ASCC1: variants seen among roughly 807,000 people sequenced by gnomAD.
ASCC1 encodes the protein ASC-1 complex subunit P50.
A neutral mutation model predicts 46.6 loss-of-function variants in ASCC1; 35 were observed. The ratio of observed to expected loss-of-function variants is 0.75; its 90% confidence interval spans 0.57 to 0.99. ASCC1 has a LOEUF of 0.99. ASCC1 is among the 50% of genes least tolerant of loss of function. ASCC1 has a pLI of 0.00. For synonymous variants in ASCC1, 143 were observed against 146.6 expected (o/e 0.98, Z 0.18); for missense variants, 376 against 428.7 (o/e 0.88, Z 1.09).
intron 9 of ASCC1, among the ~76,000 whole-genome samples, chr10:72,103,170 T>C (rs1250530825): frequency 6.6e-6 from 1 of 151,544 alleles, no homozygotes; most frequent in Non-Finnish European, 1.5e-5. Context: ...TCTTGCTCTG[T>C]CGCCCAGGCT....
At chr10:72,195,630 A>AGACT (rs1370064015) in intron 5 of ASCC1, among the ~76,000 whole-genome samples, 2 of 151,022 alleles carry the variant, frequency 1.3e-5, no homozygotes, top group African/African-American at 4.9e-5. Flanking sequence ...CAGGAGTTCG[A>AGACT]GACTGACCAG....
chr10:72,153,847 G>A (rs1848650833), intron 6 of ASCC1, among the ~76,000 whole-genome samples: 3 of 152,002 alleles, frequency 2.0e-5, no homozygotes, highest in South Asian at 4.2e-4. Flanking sequence ...TCAGCCTCCT[G>A]AGTAGCTGGG....
intron 2 of ASCC1, among the ~76,000 whole-genome samples, chr10:72,212,652 A>T (rs1306072615): frequency 2.6e-5 from 4 of 152,094 alleles, no homozygotes; most frequent in Admixed American, 2.6e-4. Flanking sequence ...GTTTGAGACT[A>T]GCCTGGCCAA....
At chr10:72,216,122 G>A (rs1409955702) in intron 1 of ASCC1, 85 bp downstream of exon 1, 1 of 152,668 alleles carries the variant, frequency 6.6e-6, no homozygotes, top group Non-Finnish European at 1.5e-5. Flanking sequence ...GTAGGGGAAA[G>A]TGCTAAAGCC....
rs1419980364 is a variant in ASCC1 at position 72,096,583 on chromosome 10, T to G, written c.*751A>C. The G allele has an allele frequency of 2.2e-6, 1 of 453,722 alleles. No homozygotes were observed. The highest frequency in any genetic ancestry group is 2.0e-5 in the African/African-American group (1 of 49,948). The allele number at this position is 453,722 out of a possible 1,614,324, so 28.1% of individuals were successfully genotyped here. A position where few individuals can be genotyped will look rare whatever the true frequency, so the allele number is the denominator to read the frequency against. ...ATAAAACTCTGGGTGGTAAAGGAAT[T>G]AAAGGCAGAGTCTCAAAGAGATATT... On this transcript the variant is annotated 3_prime_UTR_variant, in exon 10 of 10. Transcript: ENST00000672957.
chr10:72,117,123 A>G (rs1262284665), intron 9 of ASCC1, among the ~76,000 whole-genome samples: 3 of 152,194 alleles, frequency 2.0e-5, no homozygotes, highest in Non-Finnish European at 4.4e-5. Context: ...ATTAAAAAAC[A>G]AATTTAAGCT....
chr10:72,213,567 C>G (rs948950874), intron 1 of ASCC1, among the ~76,000 whole-genome samples: 1 of 150,086 alleles, frequency 6.7e-6, no homozygotes, highest in Admixed American at 6.7e-5. Flanking sequence ...ATTTATCACC[C>G]CCCCCCCAAA....
At chr10:72,148,232 T>C (rs1377601404) in intron 7 of ASCC1, among the ~76,000 whole-genome samples, 3 of 152,164 alleles carry the variant, frequency 2.0e-5, no homozygotes, top group Admixed American at 1.3e-4. Context: ...AAACTGGCAG[T>C]ATGTATAAAA....
chr10:72,208,864 G>A (rs1473096610), intron 3 of ASCC1, among the ~76,000 whole-genome samples: 1 of 152,034 alleles, frequency 6.6e-6, no homozygotes, highest in African/African-American at 2.4e-5. Flanking sequence ...TAGCAGTGAA[G>A]ATACAGACAG....
At chr10:72,131,262 T>C (rs897445708) in intron 8 of ASCC1, among the ~76,000 whole-genome samples, 17 of 151,876 alleles carry the variant, frequency 1.1e-4, no homozygotes, top group African/African-American at 4.1e-4. Flanking sequence ...CTACTAAAAA[T>C]ACGAAAATTA....
At chr10:72,159,840 T>A (rs965649698) in intron 6 of ASCC1, among the ~76,000 whole-genome samples, 2 of 152,074 alleles carry the variant, frequency 1.3e-5, no homozygotes, top group Non-Finnish European at 2.9e-5. Flanking sequence ...AAAAATAGTT[T>A]GTCTTTGAAA....
In ASCC1 at chr10:72,190,112, G is replaced by T. The variant is rs1024326184; in HGVS notation, c.489+6699C>A. 7 of 759,760 alleles carry T rather than the reference G, an allele frequency of 9.2e-6. No homozygotes were observed. In the African/African-American group the frequency reaches 1.0e-4, roughly 11 times the overall value. The allele number at this position is 759,760 out of a possible 1,614,324, so 47.1% of individuals were successfully genotyped here. On this transcript the variant is annotated intron_variant, in intron 5 of 9. Coordinates refer to ENST00000672957, the MANE Select transcript of ASCC1 (RefSeq NM_001198800.3). ...GCAACTGGGCTGCAAGACCAAGCAA[G>T]GTTACATTATATATAGGATTCATGT...
At chr10:72,186,824 G>A (rs765669543) in intron 5 of ASCC1, among the ~76,000 whole-genome samples, 8 of 150,714 alleles carry the variant, frequency 5.3e-5, no homozygotes, top group Non-Finnish European at 7.4e-5. Flanking sequence ...CCAGCATGAC[G>A]TTCACAGCGA....
chr10:72,150,047 T>C (rs1415210634), intron 7 of ASCC1, among the ~76,000 whole-genome samples: 1 of 151,970 alleles, frequency 6.6e-6, no homozygotes, highest in Non-Finnish European at 1.5e-5. Flanking sequence ...TAGCCAGGCA[T>C]GGTGGTGGGC....
At chr10:72,143,621 C>G (rs1010579224) in intron 7 of ASCC1, among the ~76,000 whole-genome samples, 1 of 147,544 alleles carries the variant, frequency 6.8e-6, no homozygotes, top group African/African-American at 2.5e-5. Flanking sequence ...ACTTTATGAT[C>G]TAGTATGTAA....
At chr10:72,115,943 A>C (rs749923279) in intron 9 of ASCC1, among the ~76,000 whole-genome samples, 1 of 152,248 alleles carries the variant, frequency 6.6e-6, no homozygotes, top group Non-Finnish European at 1.5e-5. Flanking sequence ...TTAAATTCTT[A>C]CACTCTTTGA....
At chr10:72,164,910 T>A (rs1180495798) in intron 5 of ASCC1, among the ~76,000 whole-genome samples, 1 of 152,244 alleles carries the variant, frequency 6.6e-6, no homozygotes, top group Non-Finnish European at 1.5e-5. Context: ...GCTTTTTGGA[T>A]ATTTGTACAT....
At chr10:72,176,761 T>G (rs1438610087) in intron 5 of ASCC1, among the ~76,000 whole-genome samples, 1 of 152,106 alleles carries the variant, frequency 6.6e-6, no homozygotes. Flanking sequence ...TCTTCCTTAC[T>G]CTACCTCTTT....
intron 9 of ASCC1, among the ~76,000 whole-genome samples, chr10:72,123,610 A>G (rs1844490278): frequency 6.6e-6 from 1 of 152,172 alleles, no homozygotes; most frequent in Non-Finnish European, 1.5e-5. Context: ...AAAGTTTATT[A>G]AATTTTTTAA....
Sources: allele counts gnomAD v4.1 joint callset (sites outside exome capture counted in the v4.1 genomes callset), GRCh38; gene constraint gnomAD v4.1.1; transcripts MANE v1.5; gene names NCBI Gene and HGNC (gene_info 2026-07-23, HGNC 2026-07-21).